Variants in C11orf65 observed in about 807,000 individuals in gnomAD.
C11orf65 encodes the protein protein MFI.
Under a neutral mutation model 35.3 loss-of-function variants are expected in C11orf65, and 38 were observed. The ratio of observed to expected loss-of-function variants is 1.08; its 90% CI spans 0.83 to 1.41. The LOEUF is 1.41. Ranked by LOEUF, C11orf65 falls within the 40% of genes most tolerant of loss-of-function variation. The pLI, the probability that C11orf65 is intolerant of heterozygous loss-of-function variation, is 0.00. For missense variants in C11orf65, 370 were observed against 367.1 expected (o/e 1.01, Z -0.06); for synonymous variants, 105 against 114.4 (o/e 0.92, Z 0.53).
At chr11:108,423,443 TCACAGAG>T (rs966627913) in intron 3 of C11orf65, among the ~76,000 whole-genome samples, 1 of 152,118 alleles carries the variant, frequency 6.6e-6, no homozygotes, top group African/African-American at 2.4e-5. Flanking sequence ...TGTTTTCCCC[TCACAGAG>T]CACCTGGGGG....
chr11:108,430,048 AT>A (rs568020605), intron 3 of C11orf65, among the ~76,000 whole-genome samples: 58 of 151,636 alleles, frequency 3.8e-4, no homozygotes, highest in Non-Finnish European at 3.5e-4. Context: ...AGATGAAAAG[AT>A]TTATGGAGAT....
intron 2 of C11orf65, among the ~76,000 whole-genome samples, chr11:108,347,903 G>C (rs1203226736): frequency 6.6e-6 from 1 of 152,112 alleles, no homozygotes; most frequent in African/African-American, 2.4e-5. Flanking sequence ...AGTGGTATTG[G>C]CAGCAGGAAG....
At chr11:108,389,485 CA>C (rs540816301) in intron 7 of C11orf65, among the ~76,000 whole-genome samples, 115 of 152,148 alleles carry the variant, frequency 7.6e-4, no homozygotes, top group South Asian at 1.9e-3. Flanking sequence ...CATGTTGGTA[CA>C]AAATTATGAG....
chr11:108,321,504 CGGGCA>C (rs2085218186), intron 6 of C11orf65: 9 of 1,585,836 alleles, frequency 5.7e-6, no homozygotes, highest in African/African-American at 1.3e-5. Flanking sequence ...AACTATAGGC[CGGGCA>C]CGGTGGCTCA....
intron 3 of C11orf65, among the ~76,000 whole-genome samples, chr11:108,411,882 G>T (rs1446122852): frequency 3.3e-5 from 5 of 151,620 alleles, no homozygotes; most frequent in African/African-American, 1.2e-4. Flanking sequence ...CACCTTCCAG[G>T]TTCAAGTGGT....
At position 108,365,443 on chromosome 11, in the gene C11orf65, A is replaced by G. The variant is rs1565609567; in HGVS notation, c.226+27765T>C. 3 of 1,614,212 alleles carry G rather than the reference A, an allele frequency of 1.9e-6. No homozygotes were observed. The highest frequency in any genetic ancestry group is 2.5e-6 in the Non-Finnish European group (3 of 1,180,036). Reference sequence around the variant, plus strand: ...TGTTGGTGGACAAGTGAATTTGCTCATACAGCAGGCCATAGACCCCAAAAA... The same window carrying G: ...TGTTGGTGGACAAGTGAATTTGCTCGTACAGCAGGCCATAGACCCCAAAAA... On this transcript the variant is annotated intron_variant, in intron 2 of 3. Transcript: ENST00000524755.
upstream of C11orf65, among the ~76,000 whole-genome samples, chr11:108,468,524 G>A (rs1591635718): frequency 6.6e-6 from 1 of 152,278 alleles, no homozygotes; most frequent in East Asian, 1.9e-4. Flanking sequence ...TTGTAAGGAA[G>A]ATAAACTTTT....
rs190015193 is a variant in C11orf65 at position 108,320,255 on chromosome 11, T to C, written c.641-11184A>G. Reference sequence around the variant, plus strand: ...GTTTCTGGGATTCCAGGTTCATTCTTTACCCTGACCCTTCAAGAAAGTTTT... The same window carrying C: ...GTTTCTGGGATTCCAGGTTCATTCTCTACCCTGACCCTTCAAGAAAGTTTT... On this transcript the variant is annotated intron_variant, in intron 6 of 6. Transcript: ENST00000525729. 3.2e-3 allele frequency among the ~76,000 whole-genome samples: 490 copies of C among 152,328 alleles called. 1 individual carries two copies. Among genetic ancestry groups the C allele is most frequent in the Non-Finnish European group, 5.7e-3 (389 of 68,018 alleles).
chr11:108,357,455 G>C (rs1230724044), intron 2 of C11orf65, among the ~76,000 whole-genome samples: 1 of 152,238 alleles, frequency 6.6e-6, no homozygotes, highest in African/African-American at 2.4e-5. Flanking sequence ...AGCTCAAGGA[G>C]ACCTGCCTGC....
chr11:108,453,971 G>C (rs1332862024), intron 2 of C11orf65, among the ~76,000 whole-genome samples: 1 of 152,194 alleles, frequency 6.6e-6, no homozygotes, highest in Non-Finnish European at 1.5e-5. Context: ...GAAAAGGGCA[G>C]ATTATTATTT....
intron 2 of C11orf65, chr11:108,368,222 T>G (rs2905096): frequency 9.7e-6 from 2 of 206,934 alleles, no homozygotes; most frequent in South Asian, 1.9e-4. Flanking sequence ...ATTTTTTTTT[T>G]GTAATTTTAG....
intron 3 of C11orf65, among the ~76,000 whole-genome samples, chr11:108,422,201 T>C (rs2092828868): frequency 6.6e-6 from 1 of 152,218 alleles, no homozygotes; most frequent in Non-Finnish European, 1.5e-5. Flanking sequence ...GTGCTGGGAT[T>C]ACAGGCGTGA....
chr11:108,349,614 G>C (rs2088933385), intron 2 of C11orf65, among the ~76,000 whole-genome samples: 1 of 152,160 alleles, frequency 6.6e-6, no homozygotes, highest in Admixed American at 6.5e-5. Flanking sequence ...AGTGAGCTAA[G>C]ATCATGCCAC....
intron 2 of C11orf65, among the ~76,000 whole-genome samples, chr11:108,435,576 CT>C (rs2093049062): frequency 6.6e-6 from 1 of 152,076 alleles, no homozygotes; most frequent in Non-Finnish European, 1.5e-5. Flanking sequence ...TCCTCCACCC[CT>C]GAGCAAGGAA....
rs191150518 is a variant in C11orf65 at position 108,430,464 on chromosome 11, A to G, written c.174+1282T>C. On this transcript the variant is annotated intron_variant, in intron 3 of 8. Transcript: ENST00000393084. ...TGAACTGTATTCTTAAAAATCGTTA[A>G]GATAGTAAATTTTATATTATGCGTA... 7.0e-4 allele frequency among the ~76,000 whole-genome samples: 106 copies of G among 151,962 alleles called. 1 individual carries two copies. The highest frequency in any genetic ancestry group is 2.4e-3 in the African/African-American group (100 of 41,464).
At position 108,365,343 on chromosome 11, in the gene C11orf65, C is replaced by T. The variant is rs540172506; in HGVS notation, c.226+27865G>A. 213 of 1,614,162 alleles carry T rather than the reference C, an allele frequency of 1.3e-4. 2 individuals carry two copies. In the South Asian group the frequency reaches 2.0e-3, roughly 15 times the overall value. On this transcript the variant is annotated intron_variant, in intron 2 of 3. Coordinates refer to the C11orf65 transcript ENST00000524755. Reference sequence around the variant, plus strand: ...TCCTTAGTGATATTGACCAGAGTTTCAACAAAGTAGCTGAACGTGTCTTAA... The same window carrying T: ...TCCTTAGTGATATTGACCAGAGTTTTAACAAAGTAGCTGAACGTGTCTTAA...
chr11:108,400,346 G>C (rs2092415728), intron 6 of C11orf65, among the ~76,000 whole-genome samples: 1 of 152,054 alleles, frequency 6.6e-6, no homozygotes, highest in South Asian at 2.1e-4. Flanking sequence ...CTTTTAGTGT[G>C]CATTTATCCT....
At chr11:108,330,087 A>T, downstream of C11orf65, 1 of 930,974 alleles carries the variant, frequency 1.1e-6, no homozygotes, top group Non-Finnish European at 1.7e-6. Flanking sequence ...TATAATCCTT[A>T]GAAGTTTGCT....
At chr11:108,418,583 C>A (rs914212584) in intron 3 of C11orf65, among the ~76,000 whole-genome samples, 22 of 151,810 alleles carry the variant, frequency 1.4e-4, no homozygotes, top group Non-Finnish European at 2.9e-4. Flanking sequence ...AATTCAGCAT[C>A]CATTTCAAAA....
Sources: gnomAD v4.1 joint callset for allele counts (sites outside exome capture counted in the v4.1 genomes callset) on GRCh38, gnomAD v4.1.1 for gene constraint, MANE v1.5 for transcripts, NCBI Gene and HGNC (gene_info 2026-07-23, HGNC 2026-07-21) for gene names.